GFPT1: variants seen among roughly 807,000 people sequenced by gnomAD.
GFPT1 encodes glutamine--fructose-6-phosphate aminotransferase [isomerizing] 1.
Under a neutral mutation model 92.0 loss-of-function variants are expected in GFPT1, and 40 were observed. That is an observed-to-expected ratio of 0.43 (90% CI 0.34 to 0.57). The LOEUF (loss-of-function observed/expected upper bound fraction) is 0.57, where lower values mean the gene tolerates loss of function less well. GFPT1 is among the 20% of genes least tolerant of loss of function. The pLI is 0.02. For missense variants in GFPT1, 448 were observed against 869.1 expected (o/e 0.52, Z 6.09); for synonymous variants, 269 against 280.6 (o/e 0.96, Z 0.41).
chr2:69,345,844 T>C, intron 12 of GFPT1, 60 bp downstream of exon 12: 1 of 950,550 alleles, frequency 1.1e-6, no homozygotes, highest in Non-Finnish European at 1.7e-6. Context: ...TTTCAGGTTG[T>C]TAATGGCACC....
At position 69,387,214 on chromosome 2, in the gene GFPT1, C is replaced by T. The variant is rs886056264; in HGVS notation, c.-143G>A. ...TCCCTCGGGGATGCGACGGCCAAGG[C>T]AACGACAGCCTTCTCCGCCTCCCGG... is the stretch of plus-strand genomic sequence containing the variant. On this transcript the variant is annotated 5_prime_UTR_variant, in exon 1 of 20. Transcript: ENST00000357308. 5.1e-5 allele frequency: 45 copies of T among 874,776 alleles called. No homozygotes were observed. In the Admixed American group the frequency reaches 9.2e-4, roughly 18 times the overall value. 54.2% of individuals were successfully genotyped at this position (874,776 alleles called of 1,614,324 possible).
At chr2:69,377,759 G>C (rs1409829879) in intron 1 of GFPT1, among the ~76,000 whole-genome samples, 3 of 152,234 alleles carry the variant, frequency 2.0e-5, no homozygotes, top group Non-Finnish European at 4.4e-5. Context: ...GAGCTAAGAA[G>C]TTGAACCTGT....
chr2:69,354,341 A>G, intron 8 of GFPT1, 29 bp from the exon 9 acceptor site: 1 of 1,555,330 alleles, frequency 6.4e-7, no homozygotes, highest in Non-Finnish European at 8.8e-7. Flanking sequence ...AAAAAATTCT[A>G]ATCATCAGAG....
At position 69,374,078 on chromosome 2, in the gene GFPT1, T is replaced by C. The variant is rs387906638; in HGVS notation, c.43A>G (p.Thr15Ala). 1.3e-6 allele frequency: 2 copies of C among 1,595,636 alleles called. No individual in the cohort carries two copies. Among genetic ancestry groups the C allele is most frequent in the East Asian group, 4.5e-5 (2 of 44,600 alleles). The change falls in exon 2 of 20, where the codon ACG (threonine) becomes GCG (alanine). Residue 15 changes from threonine (T) to alanine (A), a missense_variant. Physicochemically the swap from Thr to Ala is moderately conservative, Grantham distance 58. Around this residue, in one of 7 missense-constraint regions of GFPT1, gnomAD observed 72 missense variants for 95.1 expected, o/e 0.76. Coordinates refer to ENST00000357308, the MANE Select transcript of GFPT1 (RefSeq NM_001244710.2). The stretch of plus-strand genomic sequence containing the variant: ...AGGGTCTCCAGGATTTCTCGTCTCG[T>C]TCGAGGAACATGGTAGTTTAAGTAA... ...FAYLNYHVPR[T>A]RREILETLIK...
At chr2:69,344,025 T>C (rs1671020029) in intron 12 of GFPT1, among the ~76,000 whole-genome samples, 2 of 152,094 alleles carry the variant, frequency 1.3e-5, no homozygotes, top group African/African-American at 4.8e-5. Context: ...AGACTGGCCT[T>C]CTTGCTGTTA....
At chr2:69,369,435 A>C (rs771738657) in intron 3 of GFPT1, among the ~76,000 whole-genome samples, 34 of 152,240 alleles carry the variant, frequency 2.2e-4, no homozygotes, top group Non-Finnish European at 4.4e-5. Flanking sequence ...TGAAAAAAAT[A>C]AAATGTGTAA....
chr2:69,363,666 T>C lies in GFPT1; in HGVS notation c.228A>G (p.Gln76=), dbSNP rs771855290. ...VKALDEEVHK[Q]QDMDLDIEFD... is the part of the protein sequence containing the mutation. ...ATTCTATATCCAAATCCATATCTTG[T>C]TGCTCTGAAGAATATGAAAAGAAAA... The change falls in exon 4 of 20, where the codon CAA becomes CAG. Residue 76 remains glutamine, a synonymous_variant. Transcript: ENST00000357308. 4 of 1,603,454 alleles carry C rather than the reference T, an allele frequency of 2.5e-6. No individual in the cohort carries two copies. In the Admixed American group the frequency reaches 6.7e-5, roughly 27 times the overall value.
chr2:69,375,247 T>A (rs535124061), intron 1 of GFPT1, among the ~76,000 whole-genome samples: 135 of 128,092 alleles, frequency 1.1e-3, no homozygotes, highest in Middle Eastern at 4.3e-3. Flanking sequence ...TCAAGCTGCT[T>A]ATTTTAAAAC....
At position 69,320,261 on chromosome 2, in the gene GFPT1, G is replaced by A. The variant is rs2104584207; in HGVS notation, c.*5928C>T. 1 of 152,312 alleles carries A rather than the reference G, an allele frequency of 6.6e-6. No homozygotes were observed. Among genetic ancestry groups the A allele is most frequent in the South Asian group, 2.1e-4 (1 of 4,824 alleles). The allele number at this position is 152,312 out of a possible 1,614,324, so 9.4% of individuals were successfully genotyped here. A position where few individuals can be genotyped will look rare whatever the true frequency, so the allele number is the denominator to read the frequency against. ...CCTTTGGGTCTCACAGATTAAGAAT[G>A]TACTAGTTAAGAACCAAGGAGTTAT... On this transcript the variant is annotated 3_prime_UTR_variant, in exon 20 of 20. Coordinates refer to ENST00000357308, the MANE Select transcript of GFPT1 (RefSeq NM_001244710.2).
chr2:69,334,114 C>T (rs1422716663), intron 15 of GFPT1, among the ~76,000 whole-genome samples: 1 of 152,136 alleles, frequency 6.6e-6, no homozygotes, highest in African/African-American at 2.4e-5. Context: ...AGAGATCACA[C>T]CACTGCACTC....
At chr2:69,329,570 T>C in intron 16 of GFPT1, 114 bp downstream of exon 16, 1 of 959,054 alleles carries the variant, frequency 1.0e-6, no homozygotes, top group Non-Finnish European at 1.7e-6. Flanking sequence ...GGAGCAAACG[T>C]AGAAAGATCT....
rs1341042279 is a variant in GFPT1 at position 69,323,356 on chromosome 2, C to T, written c.*2833G>A. On this transcript the variant is annotated 3_prime_UTR_variant, in exon 20 of 20. Transcript: ENST00000357308. ...TCAGATTTTCTTATCCTATATTACA[C>T]TGGTTTTAATTGGGCATGCTCACTT... is the stretch of plus-strand genomic sequence containing the variant. The T allele has an allele frequency of 6.6e-6, 1 of 152,198 alleles. No homozygotes were observed. The highest frequency in any genetic ancestry group is 1.5e-5 in the Non-Finnish European group (1 of 68,036). 9.4% of individuals were successfully genotyped at this position (152,198 alleles called of 1,614,324 possible).
intron 1 of GFPT1, among the ~76,000 whole-genome samples, chr2:69,379,784 C>A (rs373242112): frequency 6.6e-6 from 1 of 151,866 alleles, no homozygotes; most frequent in Admixed American, 6.6e-5. Context: ...TATAGTGATG[C>A]GATCTTGGCT....
intron 15 of GFPT1, among the ~76,000 whole-genome samples, chr2:69,333,069 A>C (rs1244548349): frequency 6.6e-6 from 1 of 152,126 alleles, no homozygotes; most frequent in East Asian, 1.9e-4. Flanking sequence ...CACTAAAGTG[A>C]ATTTGGAGTC....
chr2:69,369,959 A>G (rs764325422), intron 3 of GFPT1, 42 bp downstream of exon 3: 1 of 1,095,414 alleles, frequency 9.1e-7, no homozygotes, highest in South Asian at 1.2e-5. Flanking sequence ...GGGAAAAGGA[A>G]GAGAAGGGGA....
At chr2:69,328,173 G>A in intron 18 of GFPT1, 98 bp downstream of exon 18, 4 of 844,854 alleles carry the variant, frequency 4.7e-6, no homozygotes, top group South Asian at 1.3e-5. Flanking sequence ...CAAAGTAAAT[G>A]AGTTAACACG....
intron 1 of GFPT1, 40 bp from the exon 2 acceptor site, chr2:69,374,153 A>C (rs747280218): frequency 4.6e-5 from 46 of 994,052 alleles, no homozygotes; most frequent in Non-Finnish European, 6.9e-5. Context: ...TTCTGATTTA[A>C]AAAATCAAAA....
chr2:69,386,856 T>G (rs1672140586), intron 1 of GFPT1, among the ~76,000 whole-genome samples: 1 of 152,034 alleles, frequency 6.6e-6, no homozygotes, highest in Admixed American at 6.5e-5. Context: ...CGCCTTCCTC[T>G]CAGGTGCCTT....
intron 2 of GFPT1, among the ~76,000 whole-genome samples, chr2:69,370,639 G>C (rs956135775): frequency 6.6e-6 from 1 of 151,906 alleles, no homozygotes; most frequent in Non-Finnish European, 1.5e-5. Flanking sequence ...GGAGAGAAAC[G>C]GAAGGAAGAA....
Sources: allele counts gnomAD v4.1 joint callset (sites outside exome capture counted in the v4.1 genomes callset), GRCh38; gene constraint gnomAD v4.1.1; regional missense constraint gnomAD v4.1.1; transcripts MANE v1.5; gene names NCBI Gene and HGNC (gene_info 2026-07-23, HGNC 2026-07-21).